CAMK4: variants seen among roughly 807,000 people sequenced by gnomAD.
CAMK4 encodes calcium/calmodulin-dependent protein kinase type IV.
CAMK4 carries 22 observed loss-of-function variants against 44.9 expected under a neutral mutation model. That is an observed-to-expected ratio of 0.49 (90% CI 0.35 to 0.70). The LOEUF is 0.70. Ranked by LOEUF, CAMK4 falls within the 30% of genes least tolerant of loss-of-function variation. The pLI, the probability that CAMK4 is intolerant of heterozygous loss-of-function variation, is 0.01. For synonymous variants in CAMK4, 218 were observed against 215.4 expected (o/e 1.01, Z -0.11); for missense variants, 498 against 586.8 (o/e 0.85, Z 1.56).
intron 1 of CAMK4, among the ~76,000 whole-genome samples, chr5:111,340,369 T>A (rs1448163023): frequency 6.6e-6 from 1 of 151,268 alleles, no homozygotes; most frequent in Non-Finnish European, 1.5e-5. Context: ...ATATATGGCC[T>A]TTATTGTGTT....
chr5:111,354,952 T>C (rs1322591383), intron 2 of CAMK4, among the ~76,000 whole-genome samples: 1 of 152,148 alleles, frequency 6.6e-6, no homozygotes, highest in Non-Finnish European at 1.5e-5. Flanking sequence ...CTAATTGCTA[T>C]GATGTACATA....
chr5:111,291,607 C>T (rs1747261734), intron 1 of CAMK4, among the ~76,000 whole-genome samples: 2 of 152,186 alleles, frequency 1.3e-5, no homozygotes, highest in Admixed American at 6.6e-5. Context: ...CAGCCTTGAC[C>T]TCCTGGGCCA....
intron 5 of CAMK4, among the ~76,000 whole-genome samples, chr5:111,403,550 T>C (rs187514977): frequency 1.1e-3 from 167 of 152,320 alleles, no homozygotes; most frequent in Non-Finnish European, 1.8e-3. Flanking sequence ...GTTTAATTCA[T>C]ATTAAGAATT....
At chr5:111,228,027 A>T (rs1056848030) in intron 1 of CAMK4, among the ~76,000 whole-genome samples, 1 of 152,218 alleles carries the variant, frequency 6.6e-6, no homozygotes, top group Non-Finnish European at 1.5e-5. Flanking sequence ...GGTTTGGCAC[A>T]TGGAATGACA....
intron 7 of CAMK4, among the ~76,000 whole-genome samples, chr5:111,454,039 G>T (rs1317827717): frequency 6.6e-6 from 1 of 152,188 alleles, no homozygotes; most frequent in Admixed American, 6.5e-5. Flanking sequence ...CCACAGGAGA[G>T]ACAGGCTCTC....
intron 1 of CAMK4, among the ~76,000 whole-genome samples, chr5:111,258,016 C>T (rs936747648): frequency 6.6e-5 from 10 of 151,674 alleles, no homozygotes; most frequent in African/African-American, 2.2e-4. Context: ...GGGAGGGTGT[C>T]GGGGGAGGGA....
intron 4 of CAMK4, among the ~76,000 whole-genome samples, chr5:111,393,304 T>G (rs1042237609): frequency 1.3e-4 from 20 of 152,176 alleles, no homozygotes; most frequent in African/African-American, 4.8e-4. Context: ...AAATTCAACC[T>G]GAGTCTAATC....
intron 5 of CAMK4, among the ~76,000 whole-genome samples, chr5:111,428,032 C>G (rs983922755): frequency 4.6e-5 from 7 of 152,172 alleles, no homozygotes; most frequent in African/African-American, 1.4e-4. Context: ...GTAGGTGGCT[C>G]AGAACAAACG....
intron 1 of CAMK4, among the ~76,000 whole-genome samples, chr5:111,320,292 G>T (rs1748605485): frequency 6.6e-6 from 1 of 152,082 alleles, no homozygotes; most frequent in Non-Finnish European, 1.5e-5. Context: ...ATAGGGGAGG[G>T]TCATGGTCAG....
At chr5:111,426,580 A>G (rs1753233050) in intron 5 of CAMK4, among the ~76,000 whole-genome samples, 1 of 152,166 alleles carries the variant, frequency 6.6e-6, no homozygotes, top group Non-Finnish European at 1.5e-5. Context: ...TTTTAACTCC[A>G]TATCGCTGAA....
intron 5 of CAMK4, among the ~76,000 whole-genome samples, chr5:111,414,269 G>T (rs1165528990): frequency 6.6e-6 from 1 of 152,126 alleles, no homozygotes; most frequent in Non-Finnish European, 1.5e-5. Flanking sequence ...TTAGTTCTTT[G>T]TACCAGTAGA....
chr5:111,242,036 C>T (rs1749016579), intron 1 of CAMK4, among the ~76,000 whole-genome samples: 1 of 152,166 alleles, frequency 6.6e-6, no homozygotes, highest in African/African-American at 2.4e-5. Flanking sequence ...TGGAAGACCA[C>T]GCAGGCAACT....
chr5:111,370,084 A>G (rs921102344), intron 2 of CAMK4, among the ~76,000 whole-genome samples: 2 of 152,172 alleles, frequency 1.3e-5, no homozygotes, highest in East Asian at 1.9e-4. Context: ...CCCTGAGACC[A>G]TATTTTAAAT....
chr5:111,281,386 G>T (rs776688241), intron 1 of CAMK4, among the ~76,000 whole-genome samples: 1 of 152,184 alleles, frequency 6.6e-6, no homozygotes, highest in African/African-American at 2.4e-5. Flanking sequence ...ACTTGTAAGT[G>T]ATATAGTACA....
intron 5 of CAMK4, among the ~76,000 whole-genome samples, chr5:111,415,172 A>C (rs1310369189): frequency 6.6e-6 from 1 of 152,186 alleles, no homozygotes; most frequent in African/African-American, 2.4e-5. Context: ...AACGATTCAT[A>C]AGTTTAAGTT....
chr5:111,386,863 C>T (rs1194820226), intron 4 of CAMK4, among the ~76,000 whole-genome samples: 1 of 152,212 alleles, frequency 6.6e-6, no homozygotes, highest in Non-Finnish European at 1.5e-5. Flanking sequence ...GCTAGGCCCC[C>T]TGGCAGCTGA....
At chr5:111,378,967 T>C (rs1437188178) in intron 4 of CAMK4, among the ~76,000 whole-genome samples, 1 of 148,608 alleles carries the variant, frequency 6.7e-6, no homozygotes. Flanking sequence ...AATATGCCTA[T>C]AATGGCTCCT....
chr5:111,408,989 C>A (rs1752536274), intron 5 of CAMK4, among the ~76,000 whole-genome samples: 1 of 152,184 alleles, frequency 6.6e-6, no homozygotes, highest in African/African-American at 2.4e-5. Context: ...GGTACAGCTT[C>A]CCTCCCAACT....
At chr5:111,354,163 C>T (rs572360896) in intron 2 of CAMK4, among the ~76,000 whole-genome samples, 1 of 152,064 alleles carries the variant, frequency 6.6e-6, no homozygotes, top group South Asian at 2.1e-4. Flanking sequence ...GGACACTATG[C>T]TAAGTGAAAT....
Sources: allele counts gnomAD v4.1 joint callset (sites outside exome capture counted in the v4.1 genomes callset), GRCh38; gene constraint gnomAD v4.1.1; transcripts MANE v1.5; gene names NCBI Gene and HGNC (gene_info 2026-07-23, HGNC 2026-07-21).